CNBD1: variants seen among roughly 807,000 people sequenced by gnomAD.
CNBD1 encodes cyclic nucleotide binding domain containing 1.
A neutral mutation model predicts 54.4 loss-of-function variants in CNBD1; 71 were observed. The ratio of observed to expected loss-of-function variants is 1.30; its 90% CI spans 1.08 to 1.59. The LOEUF (loss-of-function observed/expected upper bound fraction) is 1.59, where lower values mean the gene tolerates loss of function less well. Among genes scored for constraint, CNBD1 ranks in the 40% most tolerant of loss-of-function variants. The pLI is 0.00. For missense variants in CNBD1, 659 were observed against 518.0 expected (o/e 1.27, Z -2.64); for synonymous variants, 182 against 170.7 (o/e 1.07, Z -0.51).
chr8:87,426,283 G>T (rs190322764), intron 2 of CNBD1, among the ~76,000 whole-genome samples: 1 of 152,188 alleles, frequency 6.6e-6, no homozygotes, highest in Non-Finnish European at 1.5e-5. Flanking sequence ...CGTCTTCTGC[G>T]TCGCTCAGGC....
chr8:87,017,034 G>T (rs979235524), intron 4 of CNBD1, among the ~76,000 whole-genome samples: 3 of 152,102 alleles, frequency 2.0e-5, no homozygotes, highest in Non-Finnish European at 4.4e-5. Flanking sequence ...AGAATCATAG[G>T]TTTATTTAAG....
At chr8:86,986,623 T>C (rs1039728667) in intron 4 of CNBD1, among the ~76,000 whole-genome samples, 2 of 152,244 alleles carry the variant, frequency 1.3e-5, no homozygotes, top group African/African-American at 4.8e-5. Flanking sequence ...CTAAATTTTC[T>C]GGTAGGATTT....
At chr8:87,290,140 C>G (rs1808760452) in intron 8 of CNBD1, among the ~76,000 whole-genome samples, 1 of 151,914 alleles carries the variant, frequency 6.6e-6, no homozygotes, top group African/African-American at 2.4e-5. Flanking sequence ...AGCTCTATTT[C>G]CATTTCCTCC....
At chr8:86,996,935 A>C (rs897500185) in intron 4 of CNBD1, among the ~76,000 whole-genome samples, 1 of 152,172 alleles carries the variant, frequency 6.6e-6, no homozygotes, top group African/African-American at 2.4e-5. Flanking sequence ...GTGTCCTTAC[A>C]TGATAGAAAA....
chr8:87,076,179 G>A (rs965219676), intron 4 of CNBD1, among the ~76,000 whole-genome samples: 67 of 152,154 alleles, frequency 4.4e-4, no homozygotes, highest in African/African-American at 1.6e-3. Context: ...AACTACAGAG[G>A]AGGTTGAGTG....
chr8:87,201,094 C>A (rs1259862203), intron 4 of CNBD1, among the ~76,000 whole-genome samples: 5 of 152,008 alleles, frequency 3.3e-5, no homozygotes, highest in Non-Finnish European at 5.9e-5. Context: ...GCTCTAACAT[C>A]TAATAATCAA....
At chr8:87,365,104 G>T (rs568676659) in intron 10 of CNBD1, among the ~76,000 whole-genome samples, 4 of 151,628 alleles carry the variant, frequency 2.6e-5, no homozygotes, top group Non-Finnish European at 4.4e-5. Context: ...ATTTACACTC[G>T]CACCAACAGT....
chr8:87,251,241 A>G (rs1489215510), intron 6 of CNBD1, among the ~76,000 whole-genome samples: 2 of 152,112 alleles, frequency 1.3e-5, no homozygotes, highest in Non-Finnish European at 2.9e-5. Flanking sequence ...AGTTCTTCCT[A>G]ACGTTCTGAA....
At position 87,308,076 on chromosome 8, in the gene CNBD1, C is replaced by T. The variant is rs4349998; in HGVS notation, c.1042+21405C>T. Among the ~76,000 whole-genome samples the T allele has an allele frequency of 4.3e-3, 650 of 152,126 alleles. 7 individuals carry two copies. Among genetic ancestry groups the T allele is most frequent in the African/African-American group, 0.015 (619 of 41,508 alleles). On this transcript the variant is annotated intron_variant, in intron 8 of 10. Coordinates refer to ENST00000518476, the MANE Select transcript of CNBD1 (RefSeq NM_173538.3). ...CTACATTGTCTTTACAGCCAACAAG[C>T]GACATTATCTTTATAGCCCTGTGAA...
chr8:86,875,257 C>T (rs541013047), intron 1 of CNBD1, among the ~76,000 whole-genome samples: 4 of 152,110 alleles, frequency 2.6e-5, no homozygotes, highest in African/African-American at 4.8e-5. Context: ...TCTCACACCT[C>T]GCAGCTGTCC....
At chr8:87,034,532 AT>A (rs1230348440) in intron 4 of CNBD1, among the ~76,000 whole-genome samples, 2 of 152,192 alleles carry the variant, frequency 1.3e-5, no homozygotes, top group Non-Finnish European at 2.9e-5. Flanking sequence ...CTTTGTATTT[AT>A]TTACATGTCT....
chr8:86,866,471 A>G lies in CNBD1; in HGVS notation c.-25A>G. ...TTTGCCTCTCAAGCAGCCTCTGGTC[A>G]TCTATCTGCCTTTGAGCCATCAAGA... On this transcript the variant is annotated 5_prime_UTR_variant, in exon 1 of 11. Transcript: ENST00000518476. 6.3e-7 allele frequency: 1 copy of G among 1,582,650 alleles called. No homozygotes were observed. Among genetic ancestry groups the G allele is most frequent in the Non-Finnish European group, 8.6e-7 (1 of 1,157,090 alleles).
intron 10 of CNBD1, among the ~76,000 whole-genome samples, chr8:87,380,780 T>TA (rs1811057315): frequency 6.6e-6 from 1 of 152,006 alleles, no homozygotes; most frequent in Non-Finnish European, 1.5e-5. Context: ...AGGACTGTTG[T>TA]AAATGGGGTT....
intron 3 of CNBD1, among the ~76,000 whole-genome samples, chr8:86,920,191 C>T (rs1255146986): frequency 1.3e-5 from 2 of 152,110 alleles, no homozygotes; most frequent in Non-Finnish European, 2.9e-5. Context: ...AGCAACCAAT[C>T]GCATGTTGCA....
intron 5 of CNBD1, 124 bp downstream of exon 5, chr8:87,206,262 T>C: frequency 2.8e-6 from 2 of 714,814 alleles, no homozygotes; most frequent in Non-Finnish European, 4.2e-6. Flanking sequence ...AAATGTACTA[T>C]TTGGGTGTGT....
intron 4 of CNBD1, among the ~76,000 whole-genome samples, chr8:87,184,854 T>G (rs1021870311): frequency 6.6e-5 from 10 of 152,222 alleles, no homozygotes; most frequent in Non-Finnish European, 1.5e-4. Flanking sequence ...TCAGCCATCT[T>G]GGCTATTTCC....
chr8:86,955,611 G>T (rs1382025097), intron 4 of CNBD1, among the ~76,000 whole-genome samples: 1 of 151,914 alleles, frequency 6.6e-6, no homozygotes, highest in Non-Finnish European at 1.5e-5. Flanking sequence ...TCATATGTCT[G>T]TTGGCTGCAT....
At chr8:87,212,868 T>A (rs1258584063) in intron 5 of CNBD1, among the ~76,000 whole-genome samples, 1 of 152,052 alleles carries the variant, frequency 6.6e-6, no homozygotes, top group Non-Finnish European at 1.5e-5. Flanking sequence ...CTTATAAAAA[T>A]TAAAATATTT....
rs34574993 is a variant in CNBD1, at chr8:87,248,264, A to C, written c.771+11152A>C. ...CTCAATATCTTCTGCTATTTCATCA[A>C]TTCATCTGGTTATAGTGCTAGCTGA... On this transcript the variant is annotated intron_variant, in intron 6 of 10. Transcript: ENST00000518476. 2.0e-5 allele frequency among the ~76,000 whole-genome samples: 3 copies of C among 152,166 alleles called. No homozygotes were observed. The East Asian group carries it at 5.8e-4, about 29-fold the overall frequency.
Sources: allele counts gnomAD v4.1 joint callset (sites outside exome capture counted in the v4.1 genomes callset), GRCh38; gene constraint gnomAD v4.1.1; transcripts MANE v1.5; gene names NCBI Gene and HGNC (gene_info 2026-07-23, HGNC 2026-07-21).